DMD: variants seen among roughly 807,000 people sequenced by gnomAD.
DMD encodes the protein mutant dystrophin.
Under a neutral mutation model 330.1 loss-of-function variants are expected in DMD, and 63 were observed. The observed-to-expected ratio is 0.19, with a 90% CI of 0.16 to 0.24. The LOEUF is 0.24. Ranked by LOEUF, DMD falls within the 10% of genes least tolerant of loss-of-function variation. The pLI, the probability that DMD is intolerant of heterozygous loss-of-function variation, is 1.00. For missense variants in DMD, 3,344 were observed against 2,684.1 expected (o/e 1.25, Z -5.43); for synonymous variants, 1,223 against 959.8 (o/e 1.27, Z -5.07).
Position 32,373,115 on chromosome X carries a change from A to T in DMD, c.4845+7395T>A, listed in dbSNP as rs759575296. On this transcript the variant is annotated intron_variant, in intron 34 of 78. Coordinates refer to ENST00000357033, the MANE Select transcript of DMD (RefSeq NM_004006.3). ...CTCTTCAAGTAGATGGTATCTTTAA[A>T]CATCTTAAATTGTGTCACGCACCAC... Among the ~76,000 whole-genome samples the T allele has an allele frequency of 5.4e-5, 6 of 110,177 alleles. No homozygotes were observed. The South Asian group carries it at 2.4e-3, about 43-fold the overall frequency.
intron 75 of DMD, among the ~76,000 whole-genome samples, chrX:31,146,989 T>C (rs1268636229): frequency 8.9e-6 from 1 of 112,127 alleles, no homozygotes; most frequent in Non-Finnish European, 1.9e-5. Context: ...AAATATTCAC[T>C]TTTAGAGAAC....
chrX:32,590,235 AAT>A (rs1224120724), intron 13 of DMD, among the ~76,000 whole-genome samples: 1 of 112,483 alleles, frequency 8.9e-6, no homozygotes, highest in African/African-American at 3.2e-5. Context: ...TCAGGCAATA[AAT>A]ATGTTTATTA....
chrX:32,383,530 C>T (rs866798442), intron 33 of DMD, among the ~76,000 whole-genome samples: 2 of 111,131 alleles, frequency 1.8e-5, no homozygotes, highest in East Asian at 2.8e-4. Flanking sequence ...GGACTTACAG[C>T]ATTTTTATAA....
chrX:32,628,182 G>C (rs1364981935), intron 11 of DMD, among the ~76,000 whole-genome samples: 1 of 97,842 alleles, frequency 1.0e-5, no homozygotes, highest in Non-Finnish European at 2.0e-5. Flanking sequence ...GATCCCCACT[G>C]CCCCCGACCC....
intron 74 of DMD, among the ~76,000 whole-genome samples, chrX:31,165,386 T>G (rs1240987318): frequency 8.9e-6 from 1 of 112,311 alleles, no homozygotes; most frequent in Non-Finnish European, 1.9e-5. Flanking sequence ...ACTAACAACT[T>G]TAACTTTAGA....
At chrX:31,625,311 T>C (rs1603429730) in intron 55 of DMD, among the ~76,000 whole-genome samples, 1 of 111,899 alleles carries the variant, frequency 8.9e-6, no homozygotes, top group Admixed American at 9.5e-5. Flanking sequence ...GGGAGTTTTA[T>C]CTGGATTTTG....
At chrX:32,880,853 A>G (rs1268203766) in intron 2 of DMD, among the ~76,000 whole-genome samples, 2 of 112,712 alleles carry the variant, frequency 1.8e-5, no homozygotes, top group African/African-American at 6.5e-5. Context: ...CTGAGGCAGG[A>G]GAATCGCTTG....
chrX:31,565,979 T>C (rs1231295427), intron 55 of DMD, among the ~76,000 whole-genome samples: 1 of 112,289 alleles, frequency 8.9e-6, no homozygotes, highest in Admixed American at 9.5e-5. Context: ...TTGTTTTACC[T>C]TGCAGTTTTG....
At chrX:32,205,005 T>TCTCACACACA (rs60181300) in intron 44 of DMD, among the ~76,000 whole-genome samples, 9 of 29,217 alleles carry the variant, frequency 3.1e-4, no homozygotes, top group Non-Finnish European at 5.1e-4. Flanking sequence ...TCTCTCTCTC[T>TCTCACACACA]CACATACACA....
At chrX:32,651,302 C>T (rs1031949274) in intron 9 of DMD, among the ~76,000 whole-genome samples, 23 of 109,105 alleles carry the variant, frequency 2.1e-4, no homozygotes, top group African/African-American at 4.0e-4. Context: ...GCCACCACAC[C>T]GGGCTAATTT....
At chrX:31,582,638 C>A (rs2076394412) in intron 55 of DMD, among the ~76,000 whole-genome samples, 1 of 111,688 alleles carries the variant, frequency 9.0e-6, no homozygotes, top group African/African-American at 3.3e-5. Flanking sequence ...TTATTAATTG[C>A]ATTTTATGTA....
At chrX:31,726,017 T>C (rs1179758541) in intron 52 of DMD, among the ~76,000 whole-genome samples, 5 of 112,132 alleles carry the variant, frequency 4.5e-5, no homozygotes, top group Admixed American at 2.8e-4. Flanking sequence ...CCCAGCCCTT[T>C]TGCAGAAGAA....
chrX:31,728,074 G>C (rs1248481044), intron 52 of DMD, among the ~76,000 whole-genome samples: 3 of 112,578 alleles, frequency 2.7e-5, no homozygotes, highest in African/African-American at 6.4e-5. Context: ...CCAGGCTGGA[G>C]TGCAGTGGCG....
At chrX:31,213,652 G>T (rs2045005605) in intron 64 of DMD, among the ~76,000 whole-genome samples, 1 of 111,487 alleles carries the variant, frequency 9.0e-6, no homozygotes, top group African/African-American at 3.3e-5. Flanking sequence ...TAATGTTGTG[G>T]GTATATTGCA....
chrX:31,565,575 G>A (rs1360706287), intron 55 of DMD, among the ~76,000 whole-genome samples: 2 of 111,751 alleles, frequency 1.8e-5, no homozygotes, highest in Non-Finnish European at 1.9e-5. Context: ...TCCAGTTTTT[G>A]GCTATAATGA....
intron 44 of DMD, among the ~76,000 whole-genome samples, chrX:32,129,887 C>T (rs1024144612): frequency 9.0e-6 from 1 of 110,518 alleles, no homozygotes; most frequent in African/African-American, 3.3e-5. Context: ...TAGTTATTAG[C>T]TGCAACACAA....
rs113692636 is a variant in DMD, at chrX:32,880,124, T to A, written c.94-30304A>T. On this transcript the variant is annotated intron_variant, in intron 2 of 78. Coordinates refer to ENST00000357033, the MANE Select transcript of DMD (RefSeq NM_004006.3). ...GTATCCCCAGTCCACCTTTCCCGCA[T>A]CCTTTTCAATTTTTTGCCAATTGCC... 4.3e-3 allele frequency among the ~76,000 whole-genome samples: 481 copies of A among 111,275 alleles called. 8 individuals carry two copies. In the East Asian group the frequency reaches 0.064, roughly 15 times the overall value.
intron 51 of DMD, among the ~76,000 whole-genome samples, chrX:31,768,388 A>C (rs2090132545): frequency 9.4e-6 from 1 of 106,180 alleles, no homozygotes; most frequent in African/African-American, 3.5e-5. Flanking sequence ...CCTCTTTAAT[A>C]TTCCTTTCTT....
At chrX:31,275,422 G>C (rs1229011414) in intron 62 of DMD, among the ~76,000 whole-genome samples, 3 of 110,681 alleles carry the variant, frequency 2.7e-5, no homozygotes, top group Non-Finnish European at 5.7e-5. Flanking sequence ...TTCCCCATTA[G>C]GACATCAAAG....
Sources: gnomAD v4.1 joint callset for allele counts (sites outside exome capture counted in the v4.1 genomes callset) on GRCh38, gnomAD v4.1.1 for gene constraint, MANE v1.5 for transcripts, NCBI Gene and HGNC (gene_info 2026-07-23, HGNC 2026-07-21) for gene names.